The following PRPF18 variants were observed in gnomAD, a reference collection of about 807,000 sequenced individuals.
The protein encoded by PRPF18 is pre-mRNA-splicing factor 18.
Under a neutral mutation model 46.5 loss-of-function variants are expected in PRPF18, and 38 were observed. That is an observed-to-expected ratio of 0.82 (90% CI 0.63 to 1.07). The LOEUF is 1.07. Ranked by LOEUF, PRPF18 falls within the 50% of genes least tolerant of loss-of-function variation. PRPF18 has a pLI of 0.00. For synonymous variants in PRPF18, 152 were observed against 146.7 expected (o/e 1.04, Z -0.26); for missense variants, 263 against 410.0 (o/e 0.64, Z 3.10).
In PRPF18 at chr10:13,605,392, G is replaced by T. The variant is rs181818714; in HGVS notation, c.250-239G>T. The stretch of plus-strand genomic sequence containing the variant: ...AGGGCAGGAGACTGAGACCATCCTG[G>T]CCAACATGGTGAAACCCCATCTCTA... On this transcript the variant is annotated intron_variant, in intron 3 of 9. Coordinates refer to ENST00000378572, the MANE Select transcript of PRPF18 (RefSeq NM_003675.4). 3.7e-4 allele frequency among the ~76,000 whole-genome samples: 57 copies of T among 152,076 alleles called. 1 individual carries two copies. Among genetic ancestry groups the T allele is most frequent in the Admixed American group, 3.4e-3 (52 of 15,274 alleles).
At chr10:13,646,924 CG>C in the PRPF18 span, 1 of 910,508 alleles carries the variant, frequency 1.1e-6, no homozygotes, top group African/African-American at 1.8e-5. Flanking sequence ...CAGATTAGGC[CG>C]GGCTGGCTCA....
intron 1 of PRPF18, among the ~76,000 whole-genome samples, chr10:13,590,871 A>G (rs181533142): frequency 3.3e-5 from 5 of 152,316 alleles, no homozygotes; most frequent in African/African-American, 1.2e-4. Flanking sequence ...TAGAATGGAT[A>G]TTTATTCACC....
chr10:13,587,386 A>G (rs994175209), intron 1 of PRPF18, among the ~76,000 whole-genome samples: 2 of 152,202 alleles, frequency 1.3e-5, no homozygotes, highest in African/African-American at 4.8e-5. Flanking sequence ...CTGACTTCCC[A>G]AAGCTGGATC....
At chr10:13,590,206 G>A (rs1044183918) in intron 1 of PRPF18, among the ~76,000 whole-genome samples, 3 of 151,118 alleles carry the variant, frequency 2.0e-5, no homozygotes, top group South Asian at 2.1e-4. Flanking sequence ...TTTTAATTTG[G>A]TAGTTGATTG....
chr10:13,648,281 A>G, the PRPF18 span: 1 of 152,208 alleles, frequency 6.6e-6, no homozygotes, highest in African/African-American at 2.4e-5. Flanking sequence ...TACTATATGT[A>G]GGTGGTATGT....
intron 8 of PRPF18, among the ~76,000 whole-genome samples, chr10:13,615,516 A>G (rs1238705896): frequency 6.6e-6 from 1 of 152,202 alleles, no homozygotes; most frequent in Non-Finnish European, 1.5e-5. Context: ...TTAGGGTAGA[A>G]AATGATCTTC....
At chr10:13,595,027 A>G (rs2080013521) in intron 1 of PRPF18, among the ~76,000 whole-genome samples, 2 of 152,238 alleles carry the variant, frequency 1.3e-5, no homozygotes, top group Non-Finnish European at 2.9e-5. Flanking sequence ...CGTCAAGGAC[A>G]TTCTTAAGAG....
At chr10:13,614,314 G>T (rs1306493513) in intron 8 of PRPF18, among the ~76,000 whole-genome samples, 3 of 152,076 alleles carry the variant, frequency 2.0e-5, no homozygotes, top group Non-Finnish European at 2.9e-5. Context: ...GTATGCTCTT[G>T]GTCATTTTTA....
intron 1 of PRPF18, among the ~76,000 whole-genome samples, chr10:13,593,419 A>T (rs1435669295): frequency 3.9e-5 from 6 of 152,216 alleles, no homozygotes; most frequent in Non-Finnish European, 8.8e-5. Flanking sequence ...GACATTATTT[A>T]TGACCCCAAG....
intron 1 of PRPF18, chr10:13,591,834 G>T: frequency 6.9e-7 from 1 of 1,440,418 alleles, no homozygotes; most frequent in African/African-American, 1.4e-5. Context: ...GCTTCAGGAA[G>T]ACCGCCCTCT....
chr10:13,619,642 T>C (rs2080395477), intron 9 of PRPF18, among the ~76,000 whole-genome samples: 1 of 152,158 alleles, frequency 6.6e-6, no homozygotes, highest in Non-Finnish European at 1.5e-5. Context: ...CTACTCCTTA[T>C]GTAGGTGCAA....
intron 1 of PRPF18, among the ~76,000 whole-genome samples, chr10:13,590,638 AT>A (rs1390520705): frequency 6.1e-5 from 9 of 147,398 alleles, no homozygotes; most frequent in Admixed American, 6.8e-5. Context: ...AAAAAAAAAA[AT>A]ACTGACATTC....
chr10:13,605,681 G>T lies in PRPF18; in HGVS notation c.300G>T (p.Glu100Asp). Residue 100 changes from glutamate to aspartate, a missense_variant, in exon 4 of 10, where the codon GAG becomes GAT. This residue lies in a region of PRPF18 where 155 missense variants were observed against 245.1 expected (regional missense o/e 0.63). Coordinates refer to ENST00000378572, the MANE Select transcript of PRPF18 (RefSeq NM_003675.4). ...ERGEPIRLFGETDYDAFQRLR... is the reference protein window; with the variant it reads ...ERGEPIRLFGDTDYDAFQRLR... ...GAGAACCAATCAGACTATTTGGAGA[G>T]ACTGATTATGATGCTTTTCAACGTT... 1 of 1,613,436 alleles carries T rather than the reference G, an allele frequency of 6.2e-7. No homozygotes were observed. The highest frequency in any genetic ancestry group is 8.5e-7 in the Non-Finnish European group (1 of 1,179,792).
At chr10:13,651,210 G>A in the PRPF18 span, 1 of 152,268 alleles carries the variant, frequency 6.6e-6, no homozygotes, top group Non-Finnish European at 1.5e-5. Flanking sequence ...GATGGTGGTA[G>A]TGATAAAAAT....
At chr10:13,627,854 T>G (rs2080532229) in intron 9 of PRPF18, among the ~76,000 whole-genome samples, 1 of 152,166 alleles carries the variant, frequency 6.6e-6, no homozygotes, top group African/African-American at 2.4e-5. Context: ...AAACCATCAG[T>G]TTGCCTTCCG....
chr10:13,588,500 C>A (rs923980572), intron 1 of PRPF18, among the ~76,000 whole-genome samples: 3 of 151,624 alleles, frequency 2.0e-5, no homozygotes, highest in Admixed American at 6.6e-5. Context: ...TCGCTTGAGC[C>A]CAGGAGTTCA....
At chr10:13,591,919 C>G in intron 1 of PRPF18, 1 of 1,234,530 alleles carries the variant, frequency 8.1e-7, no homozygotes, top group Non-Finnish European at 1.1e-6. Context: ...TCTCACGTGT[C>G]AACTGAGGGT....
chr10:13,646,321 TTTTTATTTA>T, the PRPF18 span: 1 of 152,540 alleles, frequency 6.6e-6, no homozygotes, highest in African/African-American at 2.4e-5. Context: ...ATTTTTTATG[TTTTTATTTA>T]TTTTTAATCT....
At chr10:13,654,372 CTCTT>C in the PRPF18 span, 219 of 1,190,230 alleles carry the variant, frequency 1.8e-4, no homozygotes, top group Non-Finnish European at 2.6e-4. Context: ...GTCTATGACA[CTCTT>C]TCGAGCTGAC....
Sources: allele counts gnomAD v4.1 joint callset (sites outside exome capture counted in the v4.1 genomes callset), GRCh38; gene constraint gnomAD v4.1.1; regional missense constraint gnomAD v4.1.1; transcripts MANE v1.5; gene names NCBI Gene and HGNC (gene_info 2026-07-23, HGNC 2026-07-21).